The following RGL1 variants were observed in gnomAD, a reference collection of about 807,000 sequenced individuals.
RGL1 encodes the protein ral guanine nucleotide dissociation stimulator-like 1.
A neutral mutation model predicts 95.2 loss-of-function variants in RGL1; 24 were observed. That is an observed-to-expected ratio of 0.25 (90% CI 0.18 to 0.35). The LOEUF is 0.35. RGL1 is among the 10% of genes least tolerant of loss of function. The pLI, the probability that RGL1 is intolerant of heterozygous loss-of-function variation, is 1.00. For missense variants in RGL1, 715 were observed against 936.3 expected (o/e 0.76, Z 3.08); for synonymous variants, 329 against 344.9 (o/e 0.95, Z 0.51).
intron 4 of RGL1, among the ~76,000 whole-genome samples, chr1:183,866,900 G>C (rs971330289): frequency 9.9e-5 from 15 of 152,158 alleles, no homozygotes; most frequent in Non-Finnish European, 2.1e-4. Context: ...AGCAGTGAAG[G>C]TGACCAGCCT....
intron 2 of RGL1, among the ~76,000 whole-genome samples, chr1:183,829,256 A>G (rs1052551160): frequency 6.6e-6 from 1 of 152,014 alleles, no homozygotes; most frequent in Non-Finnish European, 1.5e-5. Context: ...CCTGGGCAAT[A>G]TAGTGAGACC....
intron 2 of RGL1, among the ~76,000 whole-genome samples, chr1:183,745,555 T>G (rs1657575216): frequency 6.6e-6 from 1 of 152,186 alleles, no homozygotes; most frequent in Non-Finnish European, 1.5e-5. Context: ...GTGTCACTTT[T>G]GAATGTTATT....
intron 2 of RGL1, among the ~76,000 whole-genome samples, chr1:183,836,668 C>T (rs772672638): frequency 4.6e-5 from 7 of 152,124 alleles, no homozygotes; most frequent in Non-Finnish European, 1.0e-4. Context: ...TTGAAAGACA[C>T]CTGGTGGGTT....
intron 2 of RGL1, among the ~76,000 whole-genome samples, chr1:183,790,708 T>A (rs113716625): frequency 1.3e-5 from 2 of 152,330 alleles, no homozygotes; most frequent in South Asian, 2.1e-4. Context: ...TCTAGTTAGC[T>A]ATCAGGAAAA....
chr1:183,715,491 C>G (rs983360296), intron 1 of RGL1, among the ~76,000 whole-genome samples: 1 of 115,038 alleles, frequency 8.7e-6, no homozygotes, highest in Non-Finnish European at 2.0e-5. Flanking sequence ...AAGTTTGTTT[C>G]TTTTAGGTGT....
intron 2 of RGL1, among the ~76,000 whole-genome samples, chr1:183,819,910 G>A (rs1572455058): frequency 6.6e-6 from 1 of 151,502 alleles, no homozygotes; most frequent in Non-Finnish European, 1.5e-5. Context: ...TCAGCCTCCC[G>A]AGGGGCTGAG....
intron 1 of RGL1, among the ~76,000 whole-genome samples, chr1:183,672,477 C>T (rs1652533806): frequency 6.6e-6 from 1 of 152,082 alleles, no homozygotes; most frequent in Admixed American, 6.5e-5. Context: ...CTATGTGATT[C>T]TTCATTTCTC....
At chr1:183,825,331 T>C (rs1469750639) in intron 2 of RGL1, among the ~76,000 whole-genome samples, 1 of 152,008 alleles carries the variant, frequency 6.6e-6, no homozygotes, top group Non-Finnish European at 1.5e-5. Context: ...AAATGGAAAA[T>C]AAAAGAGTAT....
chr1:183,826,062 T>C (rs1662831052), intron 2 of RGL1, among the ~76,000 whole-genome samples: 2 of 148,166 alleles, frequency 1.3e-5, no homozygotes, highest in Non-Finnish European at 3.0e-5. Flanking sequence ...GTCTCTCTCT[T>C]TTTTTTTTTG....
chr1:183,701,937 GA>G (rs1271801676), intron 1 of RGL1, among the ~76,000 whole-genome samples: 1 of 151,702 alleles, frequency 6.6e-6, no homozygotes, highest in Non-Finnish European at 1.5e-5. Flanking sequence ...ACTCCATCTC[GA>G]AAAAAATAAA....
chr1:183,839,577 T>C lies in RGL1; in HGVS notation c.139-7989T>C, dbSNP rs115222423. 2.1e-3 allele frequency among the ~76,000 whole-genome samples: 314 copies of C among 152,312 alleles called. 1 individual carries two copies. The highest frequency in any genetic ancestry group is 7.2e-3 in the African/African-American group (299 of 41,582). On this transcript the variant is annotated intron_variant, in intron 2 of 17. Transcript: ENST00000360851. The stretch of plus-strand genomic sequence containing the variant: ...TGCTTATCTGGAATATCCACAACTT[T>C]CGTACTGGTTTTTCCAACTTTAAAA...
At chr1:183,770,405 T>G (rs961125064) in intron 2 of RGL1, among the ~76,000 whole-genome samples, 5 of 152,138 alleles carry the variant, frequency 3.3e-5, no homozygotes, top group African/African-American at 4.8e-5. Context: ...CTTCTGAAAC[T>G]CCTGGCCCAT....
chr1:183,758,153 T>G (rs117985611), intron 2 of RGL1, among the ~76,000 whole-genome samples: 1 of 152,214 alleles, frequency 6.6e-6, no homozygotes, highest in African/African-American at 2.4e-5. Flanking sequence ...CCAGTTGGAC[T>G]GCCACAATGA....
At chr1:183,714,670 C>A (rs1655503302) in intron 1 of RGL1, among the ~76,000 whole-genome samples, 1 of 152,208 alleles carries the variant, frequency 6.6e-6, no homozygotes, top group Non-Finnish European at 1.5e-5. Flanking sequence ...ACAGTAAATT[C>A]TTTCCATAGT....
intron 1 of RGL1, among the ~76,000 whole-genome samples, chr1:183,711,460 G>A (rs1655261165): frequency 6.6e-6 from 1 of 152,138 alleles, no homozygotes; most frequent in Non-Finnish European, 1.5e-5. Flanking sequence ...GAGTATGTAG[G>A]AGGTGTTGGG....
At chr1:183,878,968 A>G (rs1002113063) in intron 4 of RGL1, among the ~76,000 whole-genome samples, 1 of 152,226 alleles carries the variant, frequency 6.6e-6, no homozygotes, top group Admixed American at 6.5e-5. Context: ...TAAAGGTGCA[A>G]AACTCTTTTT....
At chr1:183,757,523 C>G (rs1658416056) in intron 2 of RGL1, among the ~76,000 whole-genome samples, 1 of 152,082 alleles carries the variant, frequency 6.6e-6, no homozygotes, top group African/African-American at 2.4e-5. Context: ...TAGAAATTTA[C>G]TTTCTAGGAA....
At chr1:183,636,348 G>C (rs1649531939) in exon 1 of RGL1, 4 of 395,638 alleles carry the variant, frequency 1.0e-5, no homozygotes, top group Non-Finnish European at 1.8e-5. Flanking sequence ...TGCGCTGCTA[G>C]AGGCTGCGTT....
intron 2 of RGL1, among the ~76,000 whole-genome samples, chr1:183,777,164 A>C (rs564572739): frequency 1.2e-3 from 181 of 152,332 alleles, no homozygotes; most frequent in African/African-American, 4.3e-3. Context: ...ACTTTCAGAG[A>C]AACAGACTTG....
Sources: gnomAD v4.1 joint callset for allele counts (sites outside exome capture counted in the v4.1 genomes callset) on GRCh38, gnomAD v4.1.1 for gene constraint, MANE v1.5 for transcripts, NCBI Gene and HGNC (gene_info 2026-07-23, HGNC 2026-07-21) for gene names.